Variants in NDUFS3 observed in about 807,000 individuals in gnomAD.
NDUFS3 encodes NADH:ubiquinone oxidoreductase core subunit S3.
A neutral mutation model predicts 30.8 loss-of-function variants in NDUFS3; 19 were observed. The ratio of observed to expected loss-of-function variants is 0.62; its 90% confidence interval spans 0.43 to 0.91. The LOEUF (loss-of-function observed/expected upper bound fraction) is 0.91, where lower values mean the gene tolerates loss of function less well. NDUFS3 is among the 40% of genes least tolerant of loss of function. The probability of loss-of-function intolerance (pLI) is 0.00; values close to 1 mark genes in which losing one functional copy is unlikely to be tolerated. For missense variants in NDUFS3, 331 were observed against 342.0 expected (o/e 0.97, Z 0.25); for synonymous variants, 153 against 135.8 (o/e 1.13, Z -0.88).
chr11:47,581,110 C>A, intron 4 of NDUFS3, 126 bp downstream of exon 4: 1 of 1,214,324 alleles, frequency 8.2e-7, no homozygotes, highest in Non-Finnish European at 1.2e-6. Flanking sequence ...GATCTTGGTT[C>A]TGCCACTAAA....
chr11:47,582,490 C>T, intron 6 of NDUFS3, 22 bp downstream of exon 6: 2 of 1,614,040 alleles, frequency 1.2e-6, no homozygotes, highest in Non-Finnish European at 1.7e-6. Context: ...GGAACTGGGA[C>T]AGCAGCCTCA....
rs4147731 is a variant in NDUFS3, at chr11:47,584,034, G to A, written c.628-280G>A. Among the ~76,000 whole-genome samples the A allele has an allele frequency of 6.6e-5, 10 of 152,274 alleles. No individual in the cohort carries two copies. In the East Asian group the frequency reaches 1.5e-3, roughly 23 times the overall value. On this transcript the variant is annotated intron_variant, in intron 6 of 6. Transcript: ENST00000263774. ...GTGTGGGTGGGTGAGCAGTCAGTTCGGAGCTCCTGATGTGGGAGTGGTGAG... is the reference window on the plus strand; with the variant it reads ...GTGTGGGTGGGTGAGCAGTCAGTTCAGAGCTCCTGATGTGGGAGTGGTGAG...
intron 4 of NDUFS3, 136 bp downstream of exon 4, chr11:47,581,120 A>C: frequency 9.4e-7 from 1 of 1,069,230 alleles, no homozygotes; most frequent in Non-Finnish European, 1.4e-6. Flanking sequence ...CTGCCACTAA[A>C]TGGCTGTGGG....
At chr11:47,579,457 G>GAAGACCACTGCAA in intron 2 of NDUFS3, 123 bp downstream of exon 2, 1 of 1,249,626 alleles carries the variant, frequency 8.0e-7, no homozygotes, top group South Asian at 1.3e-5. Flanking sequence ...GACTTGCAGT[G>GAAGACCACTGCAA]GTCTTCACCC....
rs746161668 is a variant in NDUFS3, at chr11:47,580,818, C to G, written c.232-17C>G. ...AGTAGCTCTTTGTTCCCTCTCCCCTCACTTTCATGTGTGCAGGTGTCCTGC... is the reference window on the plus strand; with the variant it reads ...AGTAGCTCTTTGTTCCCTCTCCCCTGACTTTCATGTGTGCAGGTGTCCTGC... On this transcript the variant is annotated splice_polypyrimidine_tract_variant and intron_variant, in intron 3 of 6. Transcript: ENST00000263774. The G allele has an allele frequency of 1.4e-5, 22 of 1,614,208 alleles. No homozygotes were observed. Among genetic ancestry groups the G allele is most frequent in the Non-Finnish European group, 1.8e-5 (21 of 1,180,032 alleles).
intron 6 of NDUFS3, 43 bp downstream of exon 6, chr11:47,582,511 T>TG (rs757687141): frequency 6.2e-7 from 1 of 1,613,524 alleles, no homozygotes; most frequent in Admixed American, 1.7e-5. Flanking sequence ...GGGAGGGACT[T>TG]GCAGAGAACC....
intron 2 of NDUFS3, chr11:47,579,616 A>G (rs1214163249): frequency 1.7e-6 from 1 of 580,012 alleles, no homozygotes; most frequent in Non-Finnish European, 3.1e-6. Context: ...GAGCCCTGTA[A>G]TAATAGTACC....
chr11:47,579,862 ATG>A, intron 2 of NDUFS3, among the ~76,000 whole-genome samples: 1 of 152,288 alleles, frequency 6.6e-6, no homozygotes, highest in Admixed American at 6.5e-5. Context: ...GTAGCTTGTG[ATG>A]TGTGATTGCT....
Position 47,584,435 on chromosome 11 carries a change from A to G in NDUFS3, c.749A>G (p.Glu250Gly), listed in dbSNP as rs201167810. 43 of 1,614,126 alleles carry G rather than the reference A, an allele frequency of 2.7e-5. No homozygotes were observed. The highest frequency in any genetic ancestry group is 4.5e-5 in the East Asian group (2 of 44,878). Residue 250 changes from glutamate (E) to glycine (G), a missense_variant, in exon 7 of 7, where the codon GAG becomes GGG. Coordinates refer to ENST00000263774, the MANE Select transcript of NDUFS3 (RefSeq NM_004551.3). ...TTCCCAGTCTATCGCCAACCCCCGG[A>G]GAGTCTCAAGCTTGAAGCCGGAGAC... ...EAFPVYRQPP[E>G]SLKLEAGDKK...
In NDUFS3 at chr11:47,582,223, C is replaced by T. The variant is rs368557574; in HGVS notation, c.507+10C>T. 6.1e-5 allele frequency: 98 copies of T among 1,614,002 alleles called. No homozygotes were observed. Among genetic ancestry groups the T allele is most frequent in the East Asian group, 4.5e-5 (2 of 44,898 alleles). The stretch of plus-strand genomic sequence containing the variant: ...CTGGTATGAAAGGGAGGTGAGTTAC[C>T]GGATATGGTGGACCTGCCTCTGGGC... On this transcript the variant is annotated intron_variant, in intron 5 of 6. Coordinates refer to ENST00000263774, the MANE Select transcript of NDUFS3 (RefSeq NM_004551.3).
rs1598804646 is a variant in NDUFS3, at chr11:47,580,627, T to C, written c.231+5T>C. On this transcript the variant is annotated splice_donor_5th_base_variant and intron_variant, in intron 3 of 6. Coordinates refer to ENST00000263774, the MANE Select transcript of NDUFS3 (RefSeq NM_004551.3). ...AAGTATGTCCAACAAGTTCAGGTAA[T>C]ACTTACTAATGTTATTTGGGTCTGG... The C allele has an allele frequency of 1.2e-6, 2 of 1,613,532 alleles. No homozygotes were observed. The highest frequency in any genetic ancestry group is 2.7e-5 in the African/African-American group (2 of 74,920).
At chr11:47,582,686 C>T (rs577298989) in intron 6 of NDUFS3, among the ~76,000 whole-genome samples, 1 of 152,322 alleles carries the variant, frequency 6.6e-6, no homozygotes, top group Admixed American at 6.5e-5. Context: ...AATAATAGCA[C>T]TTTAATAGAT....
At position 47,582,158 on chromosome 11, in the gene NDUFS3, C is replaced by T. The variant is rs773564480; in HGVS notation, c.452C>T (p.Thr151Met). The change falls in exon 5 of 7, where the codon ACG (threonine) becomes ATG (methionine). Residue 151 changes from threonine (T) to methionine (M), a missense_variant. Physicochemically the swap from Thr to Met is moderately conservative, Grantham distance 81. Transcript: ENST00000263774. ...GTGAAGACCTACACAGATGAGCTGA[C>T]GCCCATTGAGTCTGCTGTCTCTGTG... ...IRVKTYTDEL[T>M]PIESAVSVFK... 8 of 1,614,194 alleles carry T rather than the reference C, an allele frequency of 5.0e-6. No homozygotes were observed. The highest frequency in any genetic ancestry group is 1.7e-4 in the Middle Eastern group (1 of 6,060).
rs369800649 is a variant in NDUFS3 at position 47,584,317 on chromosome 11, C to G, written c.631C>G (p.Arg211Gly). The G allele has an allele frequency of 6.2e-7, 1 of 1,614,074 alleles. No individual in the cohort carries two copies. Among genetic ancestry groups the G allele is most frequent in the South Asian group, 1.1e-5 (1 of 91,082 alleles). ...AGCCTGCCTTTTGCTCCTGCAGTTA[C>G]GTTATGATGATGAAGTGAAGCGGGT... ...DFPLSGYVEL[R>G]YDDEVKRVVA... The change falls in exon 7 of 7, where the codon CGT becomes GGT. Residue 211 changes from arginine (R) to glycine (G), a missense_variant. Transcript: ENST00000263774.
chr11:47,582,317 G>A, intron 5 of NDUFS3, 32 bp from the exon 6 acceptor site: 1 of 1,614,224 alleles, frequency 6.2e-7, no homozygotes, highest in Non-Finnish European at 8.5e-7. Context: ...TAGTCTTGAT[G>A]GATTGGCTGT....
chr11:47,584,454 C>T lies in NDUFS3; in HGVS notation c.768C>T (p.Ala256=), dbSNP rs544439788. 180 of 1,613,936 alleles carry T rather than the reference C, an allele frequency of 1.1e-4. 1 individual carries two copies. The highest frequency in any genetic ancestry group is 3.4e-4 in the South Asian group (31 of 91,082). Reference sequence around the variant, plus strand: ...CCCCGGAGAGTCTCAAGCTTGAAGCCGGAGACAAGAAGCCTGATGCCAAGT... The same window carrying T: ...CCCCGGAGAGTCTCAAGCTTGAAGCTGGAGACAAGAAGCCTGATGCCAAGT... ...RQPPESLKLE[A]GDKKPDAK The change falls in exon 7 of 7, where the codon GCC becomes GCT. Residue 256 remains alanine, a synonymous_variant. Coordinates refer to ENST00000263774, the MANE Select transcript of NDUFS3 (RefSeq NM_004551.3).
At position 47,580,835 on chromosome 11, in the gene NDUFS3, G is replaced by C. The variant is rs2097268381; in HGVS notation, c.232G>C (p.Val78Leu). The change falls in exon 4 of 7, where the codon GTG becomes CTG. Residue 78 changes from valine (V) to leucine (L), a missense_variant and splice_region_variant. By Grantham distance (32) the Val-to-Leu change is conservative. Coordinates refer to ENST00000263774, the MANE Select transcript of NDUFS3 (RefSeq NM_004551.3). ...TCTCCCCTCACTTTCATGTGTGCAG[G>C]TGTCCTGCTTCAATGAGTTAGAGGT... ...ILPKYVQQVQ[V>L]SCFNELEVCI... 1 of 1,614,004 alleles carries C rather than the reference G, an allele frequency of 6.2e-7. No homozygotes were observed. Among genetic ancestry groups the C allele is most frequent in the Admixed American group, 1.7e-5 (1 of 59,992 alleles).
chr11:47,583,175 C>T (rs1023233254), intron 6 of NDUFS3, among the ~76,000 whole-genome samples: 6 of 151,898 alleles, frequency 4.0e-5, no homozygotes, highest in Non-Finnish European at 5.9e-5. Context: ...CTCAGCCCTC[C>T]GAGTAGCTGG....
At position 47,579,076 on chromosome 11, in the gene NDUFS3, T is replaced by A. The variant is rs777710653; in HGVS notation, c.-16T>A. ...TGCTGTCTTTCCGTCCGCTGCCTAG[T>A]CTGCATCTGAGTAACATGGCGGCGG... On this transcript the variant is annotated 5_prime_UTR_variant, in exon 1 of 7. Transcript: ENST00000263774. 2.6e-6 allele frequency: 4 copies of A among 1,557,124 alleles called. No homozygotes were observed. The highest frequency in any genetic ancestry group is 3.9e-5 in the Admixed American group (2 of 51,728).
Sources: allele counts gnomAD v4.1 joint callset (sites outside exome capture counted in the v4.1 genomes callset), GRCh38; gene constraint gnomAD v4.1.1; transcripts MANE v1.5; gene names NCBI Gene and HGNC (gene_info 2026-07-23, HGNC 2026-07-21).